TLR5: variants seen among roughly 807,000 people sequenced by gnomAD.
TLR5 encodes the protein toll like receptor 5.
For missense variants in TLR5, 944 were observed against 999.8 expected (o/e 0.94, Z 0.75); for synonymous variants, 373 against 384.4 (o/e 0.97, Z 0.35).
rs933591288 is a variant in TLR5 at position 223,142,151 on chromosome 1, T to C, written c.-554-388A>G. Among the ~76,000 whole-genome samples, 12 of 152,004 alleles carry C rather than the reference T, an allele frequency of 7.9e-5. No homozygotes were observed. The South Asian group carries it at 1.2e-3, about 16-fold the overall frequency. On this transcript the variant is annotated intron_variant, in intron 1 of 5. Transcript: ENST00000642603. ...GGGGCTGGGTAAATGCAGGAGAAAATTGATGAAACCACATTGGCCCTGCAA... is the reference window on the plus strand; with the variant it reads ...GGGGCTGGGTAAATGCAGGAGAAAACTGATGAAACCACATTGGCCCTGCAA...
At chr1:223,117,518 G>C (rs72748469) in intron 5 of TLR5, among the ~76,000 whole-genome samples, 3,033 of 135,498 alleles carry the variant, frequency 0.022, 38 homozygotes, top group Non-Finnish European at 0.03. Context: ...TCCCCTGGTA[G>C]ACTATATTCT....
chr1:223,118,282 CA>C (rs1656777696), intron 5 of TLR5, among the ~76,000 whole-genome samples: 1 of 152,204 alleles, frequency 6.6e-6, no homozygotes, highest in Admixed American at 6.5e-5. Context: ...CATGGTGGCT[CA>C]CGCCTGCAAT....
chr1:223,119,033 G>A lies in TLR5; in HGVS notation c.-4-5998C>T, dbSNP rs527953294. Among the ~76,000 whole-genome samples the A allele has an allele frequency of 3.9e-5, 6 of 152,158 alleles. No homozygotes were observed. In the East Asian group the frequency reaches 9.7e-4, roughly 25 times the overall value. ...GCAGGGGAATTGCTTGAACCCAGGA[G>A]GCAGAGGTTGCAGTGAGCTGAGCTT... On this transcript the variant is annotated intron_variant, in intron 5 of 5. Coordinates refer to ENST00000642603, the MANE Select transcript of TLR5 (RefSeq NM_003268.6).
intron 1 of TLR5, 125 bp downstream of exon 1, chr1:223,143,071 T>C (rs902438130): frequency 7.3e-5 from 11 of 151,712 alleles, no homozygotes; most frequent in African/African-American, 1.2e-4. Flanking sequence ...GACTGGAAAA[T>C]AGACCCGGAC....
At chr1:223,137,779 C>G (rs189834044) in intron 2 of TLR5, among the ~76,000 whole-genome samples, 1 of 152,126 alleles carries the variant, frequency 6.6e-6, no homozygotes. Flanking sequence ...AGGCAGATCT[C>G]TCTTACCATA....
At chr1:223,125,186 T>C (rs987893252) in intron 5 of TLR5, among the ~76,000 whole-genome samples, 1 of 152,238 alleles carries the variant, frequency 6.6e-6, no homozygotes, top group African/African-American at 2.4e-5. Context: ...ACATTAATAT[T>C]GTTCCCTAAT....
Position 223,112,741 on chromosome 1 carries a change from A to G in TLR5, c.291T>C (p.Leu97=). 1 of 1,614,182 alleles carries G rather than the reference A, an allele frequency of 6.2e-7. No homozygotes were observed. The highest frequency in any genetic ancestry group is 8.5e-7 in the Non-Finnish European group (1 of 1,180,034). The stretch of plus-strand genomic sequence containing the variant: ...TACTACTTCCCAGGTCCAAGATTCT[A>G]AGGTTGGGCAGGTTTCTGAAGGCCT... ...DKEAFRNLPN[L]RILDLGSSKI... Residue 97 remains leucine (L), a synonymous_variant, in exon 6 of 6, where the codon CTT becomes CTC. Coordinates refer to ENST00000642603, the MANE Select transcript of TLR5 (RefSeq NM_003268.6).
chr1:223,112,495 G>A lies in TLR5; in HGVS notation c.537C>T (p.Ser179=). ...LNSLKSIDFS[S]NQIFLVCEHE... is the part of the protein sequence containing the mutation. ...GTTCACATACAAGGAATATTTGGTT[G>A]GAGGAAAAATCTATGGACTTTAAGG... The change falls in exon 6 of 6, where the codon TCC becomes TCT. Residue 179 remains serine (S), a synonymous_variant. Coordinates refer to ENST00000642603, the MANE Select transcript of TLR5 (RefSeq NM_003268.6). The A allele has an allele frequency of 1.2e-6, 2 of 1,614,204 alleles. No homozygotes were observed. Among genetic ancestry groups the A allele is most frequent in the South Asian group, 1.1e-5 (1 of 91,088 alleles).
intron 2 of TLR5, among the ~76,000 whole-genome samples, chr1:223,141,228 G>A (rs192269069): frequency 3.6e-4 from 55 of 152,276 alleles, no homozygotes; most frequent in African/African-American, 1.2e-3. Context: ...CCTGATGCAC[G>A]GGAATGAACA....
intron 2 of TLR5, among the ~76,000 whole-genome samples, chr1:223,138,431 C>G (rs1657704481): frequency 6.6e-6 from 1 of 151,986 alleles, no homozygotes; most frequent in Non-Finnish European, 1.5e-5. Context: ...TTTTTCCCAC[C>G]CCCATGGCTT....
chr1:223,115,564 T>C (rs1359526231), intron 5 of TLR5, among the ~76,000 whole-genome samples: 2 of 152,188 alleles, frequency 1.3e-5, no homozygotes, highest in Non-Finnish European at 2.9e-5. Flanking sequence ...GGCATTGTTT[T>C]AGGAGCTGGA....
At chr1:223,119,921 G>C in intron 5 of TLR5, among the ~76,000 whole-genome samples, 1 of 81,554 alleles carries the variant, frequency 1.2e-5, no homozygotes, top group African/African-American at 6.5e-5. Context: ...CTGCACTCCA[G>C]CCTTGGCAAC....
chr1:223,137,950 ATTTTT>A (rs3044335), intron 2 of TLR5, among the ~76,000 whole-genome samples: 6 of 84,538 alleles, frequency 7.1e-5, no homozygotes, highest in African/African-American at 9.9e-5. Flanking sequence ...GGCTTTTTAA[ATTTTT>A]TTTTTTTTTT....
rs1177096806 is a variant in TLR5, at chr1:223,135,335, C to T, written c.-352-471G>A. Among the ~76,000 whole-genome samples, 5 of 152,088 alleles carry T rather than the reference C, an allele frequency of 3.3e-5. No homozygotes were observed. In the South Asian group the frequency reaches 6.2e-4, roughly 19 times the overall value. ...ACCCTGTGCCCAGTGTCCTGGGACC[C>T]GAAGGAGGTTTACTGCATGTGGAAT... On this transcript the variant is annotated intron_variant, in intron 3 of 5. Coordinates refer to ENST00000642603, the MANE Select transcript of TLR5 (RefSeq NM_003268.6).
intron 2 of TLR5, among the ~76,000 whole-genome samples, chr1:223,139,387 A>T (rs1657747547): frequency 6.6e-6 from 1 of 152,216 alleles, no homozygotes; most frequent in Non-Finnish European, 1.5e-5. Context: ...CCAAGTAACC[A>T]GCAGCCATAA....
chr1:223,122,349 C>T (rs941290683), intron 5 of TLR5, among the ~76,000 whole-genome samples: 1 of 152,066 alleles, frequency 6.6e-6, no homozygotes, highest in Non-Finnish European at 1.5e-5. Flanking sequence ...TCCTGGCGTG[C>T]AATTGGAAGG....
rs527456651 is a variant in TLR5 at position 223,131,724 on chromosome 1, C to A, written c.-5+751G>T. The stretch of plus-strand genomic sequence containing the variant: ...GACTACAGGCTTGTACCACCATGCC[C>A]AGCTAATTTTTGTTGTTGTTGTTGT... On this transcript the variant is annotated intron_variant, in intron 5 of 5. Coordinates refer to ENST00000642603, the MANE Select transcript of TLR5 (RefSeq NM_003268.6). The surrounding 1 kb of genome is among the most constrained non-coding windows in gnomAD (Gnocchi z 4.2). Among the ~76,000 whole-genome samples the A allele has an allele frequency of 6.6e-6, 1 of 152,132 alleles. No homozygotes were observed. The highest frequency in any genetic ancestry group is 1.9e-4 in the East Asian group (1 of 5,156).
At chr1:223,134,507 T>A (rs753341627) in intron 4 of TLR5, 175 bp downstream of exon 4, 6 of 152,118 alleles carry the variant, frequency 3.9e-5, no homozygotes, top group Non-Finnish European at 7.3e-5. Flanking sequence ...TGAAAACACA[T>A]GGTTTAGGTA....
At position 223,111,517 on chromosome 1, in the gene TLR5, TTGAAGA is replaced by T. The variant is rs764023041; in HGVS notation, c.1509_1514del (p.His503_Leu504del). The T allele has an allele frequency of 1.2e-6, 2 of 1,614,146 alleles. No homozygotes were observed. The highest frequency in any genetic ancestry group is 3.3e-5 in the Admixed American group (2 of 60,008). ...GATAGTTATGATTCAAATACAGAAC[TTGAAGA>T]TGAGAAAGTCCCTCAAAAACATCCC... On this transcript the variant is annotated inframe_deletion, in exon 6 of 6. Transcript: ENST00000642603.
Sources: gnomAD v4.1 joint callset for allele counts (sites outside exome capture counted in the v4.1 genomes callset) on GRCh38, gnomAD v4.1.1 for gene constraint, Gnocchi (gnomAD v3.1) non-coding constraint, MANE v1.5 for transcripts, NCBI Gene and HGNC (gene_info 2026-07-23, HGNC 2026-07-21) for gene names.